The following PCCB variants were observed in gnomAD, a reference collection of about 807,000 sequenced individuals.
PCCB encodes the protein propionyl-CoA carboxylase beta chain, mitochondrial.
In PCCB, 43 loss-of-function variants were observed where a neutral mutation model predicts 60.7. The ratio of observed to expected loss-of-function variants is 0.71; its 90% CI spans 0.55 to 0.91. The LOEUF (loss-of-function observed/expected upper bound fraction) is 0.91, where lower values mean the gene tolerates loss of function less well. Among genes scored for constraint, PCCB ranks in the 40% least tolerant of loss-of-function variants. PCCB has a pLI of 0.00. For synonymous variants in PCCB, 276 were observed against 255.9 expected, an observed-to-expected ratio of 1.08 and a Z score of -0.75; for missense variants, 766 against 702.8, an observed-to-expected ratio of 1.09 and a Z score of -1.02.
rs1327360174 is a variant in PCCB, at chr3:136,305,471, G to A, written c.966+4360G>A. ...CTTTTTAAAAAAACTTCTTCTGGCCGGGCGTGGTGGCTCATGCCTGTAATT... is the reference window on the plus strand; with the variant it reads ...CTTTTTAAAAAAACTTCTTCTGGCCAGGCGTGGTGGCTCATGCCTGTAATT... On this transcript the variant is annotated intron_variant, in intron 9 of 14. Coordinates refer to ENST00000251654, the MANE Select transcript of PCCB (RefSeq NM_000532.5). Among the ~76,000 whole-genome samples the A allele has an allele frequency of 3.3e-5, 4 of 120,576 alleles. 1 individual carries two copies. Among genetic ancestry groups the A allele is most frequent in the Non-Finnish European group, 7.4e-5 (4 of 54,300 alleles). 79.1% of individuals were successfully genotyped at this position (120,576 alleles called of 152,430 possible).
intron 10 of PCCB, among the ~76,000 whole-genome samples, chr3:136,325,770 T>C (rs1320036638): frequency 6.6e-6 from 1 of 152,224 alleles, no homozygotes; most frequent in African/African-American, 2.4e-5. Flanking sequence ...TTTCACATGC[T>C]GAAATCAACC....
intron 9 of PCCB, among the ~76,000 whole-genome samples, chr3:136,309,262 CAAAAAA>C (rs1202774808): frequency 1.5e-4 from 7 of 47,024 alleles, no homozygotes; most frequent in East Asian, 5.6e-4. Flanking sequence ...GACTCCATCT[CAAAAAA>C]AAAAAAAAAA....
intron 1 of PCCB, among the ~76,000 whole-genome samples, chr3:136,254,343 C>T (rs897998680): frequency 2.0e-5 from 3 of 151,302 alleles, no homozygotes; most frequent in South Asian, 2.1e-4. Flanking sequence ...CTCAGCCTCC[C>T]GAGTAGCTGG....
chr3:136,279,416 T>C (rs992428785), intron 5 of PCCB, among the ~76,000 whole-genome samples: 2 of 152,210 alleles, frequency 1.3e-5, no homozygotes, highest in Admixed American at 6.5e-5. Flanking sequence ...TTTGCCTTTT[T>C]GATTCACTTC....
At chr3:136,259,843 C>G (rs1941773440) in intron 3 of PCCB, among the ~76,000 whole-genome samples, 1 of 152,090 alleles carries the variant, frequency 6.6e-6, no homozygotes, top group Non-Finnish European at 1.5e-5. Context: ...GCCTCCGCCT[C>G]TTGGATTCAA....
chr3:136,314,034 A>G (rs1212818203), intron 9 of PCCB, among the ~76,000 whole-genome samples: 1 of 151,160 alleles, frequency 6.6e-6, no homozygotes, highest in Non-Finnish European at 1.5e-5. Flanking sequence ...AGAAGGAGTC[A>G]CACACACACA....
rs542389615 is a variant in PCCB, at chr3:136,327,706, G to T, written c.1372G>T (p.Ala458Ser). The change falls in exon 13 of 15, where the codon GCA becomes TCA. Residue 458 changes from alanine to serine, a missense_variant. Coordinates refer to ENST00000251654, the MANE Select transcript of PCCB (RefSeq NM_000532.5). The stretch of plus-strand genomic sequence containing the variant: ...TGATACCAACTATGCCTGGCCCACC[G>T]CAGAGATTGCAGTCATGGGAGCAAA... ...CGDTNYAWPT[A>S]EIAVMGAKGA... 3.1e-6 allele frequency: 5 copies of T among 1,613,808 alleles called. No individual in the cohort carries two copies. The highest frequency in any genetic ancestry group is 4.2e-6 in the Non-Finnish European group (5 of 1,179,804).
chr3:136,251,551 A>G (rs1248718547), intron 1 of PCCB, among the ~76,000 whole-genome samples: 4 of 152,198 alleles, frequency 2.6e-5, no homozygotes, highest in Non-Finnish European at 4.4e-5. Context: ...CAAGGGTCCA[A>G]AGGTAACAGT....
chr3:136,262,491 A>C (rs950538843), intron 5 of PCCB, among the ~76,000 whole-genome samples: 1 of 152,226 alleles, frequency 6.6e-6, no homozygotes, highest in Non-Finnish European at 1.5e-5. Flanking sequence ...AGTGCAAAGA[A>C]GAATGAAATC....
At chr3:136,258,768 T>C (rs1331452998) in intron 3 of PCCB, among the ~76,000 whole-genome samples, 1 of 152,104 alleles carries the variant, frequency 6.6e-6, no homozygotes, top group Non-Finnish European at 1.5e-5. Context: ...CTCTGTCCTC[T>C]CAAGGTGAAG....
chr3:136,269,267 A>G (rs1942121614), intron 5 of PCCB, among the ~76,000 whole-genome samples: 1 of 152,134 alleles, frequency 6.6e-6, no homozygotes, highest in Non-Finnish European at 1.5e-5. Flanking sequence ...TCAAAACAAA[A>G]CAAAATATTT....
chr3:136,301,174 C>T lies in PCCB; in HGVS notation c.966+63C>T, dbSNP rs574912002. 7.9e-5 allele frequency: 107 copies of T among 1,351,648 alleles called. 1 individual carries two copies. Among genetic ancestry groups the T allele is most frequent in the South Asian group, 6.8e-4 (58 of 85,340 alleles). The allele number at this position is 1,351,648 out of a possible 1,614,324, so 83.7% of individuals were successfully genotyped here. A position where few individuals can be genotyped will look rare whatever the true frequency, so the allele number is the denominator to read the frequency against. ...AGCCACATTCATGGGCATTGTGCTTCGGCTTAGTGAGGAAGCACTGGACCA... is the reference window on the plus strand; with the variant it reads ...AGCCACATTCATGGGCATTGTGCTTTGGCTTAGTGAGGAAGCACTGGACCA... On this transcript the variant is annotated intron_variant, in intron 9 of 14. Coordinates refer to ENST00000251654, the MANE Select transcript of PCCB (RefSeq NM_000532.5).
intron 10 of PCCB, among the ~76,000 whole-genome samples, chr3:136,323,117 A>G (rs997122887): frequency 6.7e-6 from 1 of 148,302 alleles, no homozygotes; most frequent in African/African-American, 2.5e-5. Flanking sequence ...TGAGTTTCTT[A>G]TATTTCTAGT....
At chr3:136,271,325 A>G (rs946658061) in intron 5 of PCCB, among the ~76,000 whole-genome samples, 1 of 152,116 alleles carries the variant, frequency 6.6e-6, no homozygotes, top group African/African-American at 2.4e-5. Flanking sequence ...TGCTTTGGCT[A>G]TCTGGACTCT....
chr3:136,318,063 G>A (rs1400117953), intron 10 of PCCB, among the ~76,000 whole-genome samples: 1 of 152,186 alleles, frequency 6.6e-6, no homozygotes, highest in Non-Finnish European at 1.5e-5. Flanking sequence ...TTTTGGCTGG[G>A]TGTGGTGCCT....
At chr3:136,288,108 A>G (rs1933505000) in intron 6 of PCCB, among the ~76,000 whole-genome samples, 1 of 152,194 alleles carries the variant, frequency 6.6e-6, no homozygotes, top group African/African-American at 2.4e-5. Context: ...CTCAATTTGC[A>G]TTAGTCCATG....
rs1933220253 is a variant in PCCB at position 136,283,954 on chromosome 3, A to C, written c.654+7A>C. On this transcript the variant is annotated splice_region_variant and intron_variant, in intron 6 of 14. Transcript: ENST00000251654. The stretch of plus-strand genomic sequence containing the variant: ...CTTCACGTTCATGGTAAAGGTAAGA[A>C]AGAAGGGCCTGTTTTTGGTGCCGTT... The C allele has an allele frequency of 6.4e-7, 1 of 1,564,946 alleles. No individual in the cohort carries two copies. The highest frequency in any genetic ancestry group is 1.4e-5 in the African/African-American group (1 of 73,976).
intron 9 of PCCB, among the ~76,000 whole-genome samples, chr3:136,312,047 A>G (rs750087099): frequency 1.3e-5 from 2 of 152,258 alleles, no homozygotes; most frequent in African/African-American, 2.4e-5. Flanking sequence ...TTTATATTAC[A>G]GCATCCTATA....
intron 1 of PCCB, 142 bp downstream of exon 1, chr3:136,250,700 C>T (rs527592486): frequency 2.0e-5 from 16 of 807,276 alleles, no homozygotes; most frequent in Admixed American, 9.2e-5. Flanking sequence ...ACCTTGAAAA[C>T]CTGTAGCGTT....
Sources: allele counts gnomAD v4.1 joint callset (sites outside exome capture counted in the v4.1 genomes callset), GRCh38; gene constraint gnomAD v4.1.1; transcripts MANE v1.5; gene names NCBI Gene and HGNC (gene_info 2026-07-23, HGNC 2026-07-21).